Variants in SGMS1 observed in about 807,000 individuals in gnomAD.
SGMS1 encodes the protein sphingomyelin synthase 1.
SGMS1 carries 13 observed loss-of-function variants against 46.2 expected under a neutral mutation model. The observed-to-expected ratio is 0.28, with a 90% CI of 0.18 to 0.45. SGMS1 has a LOEUF of 0.45. Ranked by LOEUF, SGMS1 falls within the 20% of genes least tolerant of loss-of-function variation. SGMS1 has a pLI of 1.00. For missense variants in SGMS1, 324 were observed against 519.9 expected, an observed-to-expected ratio of 0.62 and a Z score of 3.66; for synonymous variants, 203 against 187.8, an observed-to-expected ratio of 1.08 and a Z score of -0.66.
At chr10:50,556,958 C>CTG (rs1311855100) in intron 2 of SGMS1, among the ~76,000 whole-genome samples, 1 of 152,166 alleles carries the variant, frequency 6.6e-6, no homozygotes, top group Non-Finnish European at 1.5e-5. Flanking sequence ...TTCCTTGTAG[C>CTG]TGTTCCCATG....
intron 1 of SGMS1, among the ~76,000 whole-genome samples, chr10:50,599,800 T>C (rs1213298724): frequency 2.0e-5 from 3 of 152,008 alleles, no homozygotes; most frequent in African/African-American, 4.8e-5. Context: ...GAGTCAGAGG[T>C]TGCAGTGAGC....
Position 50,312,720 on chromosome 10 carries a change from C to T in SGMS1, c.742-1305G>A, listed in dbSNP as rs187149044. Reference sequence around the variant, plus strand: ...AATTAAAGCCTTTTTCATATATACACGATTTAAAAATATTTACCGCTTATA... The same window carrying T: ...AATTAAAGCCTTTTTCATATATACATGATTTAAAAATATTTACCGCTTATA... On this transcript the variant is annotated intron_variant, in intron 8 of 10. Transcript: ENST00000361781. Among the ~76,000 whole-genome samples the T allele has an allele frequency of 3.7e-3, 560 of 152,184 alleles. 4 individuals carry two copies. The highest frequency in any genetic ancestry group is 0.013 in the African/African-American group (525 of 41,522).
In SGMS1 at chr10:50,571,828, A is replaced by G. The variant is rs558360950; in HGVS notation, c.-589+18325T>C. 2.0e-5 allele frequency among the ~76,000 whole-genome samples: 3 copies of G among 152,318 alleles called. No homozygotes were observed. In the East Asian group the frequency reaches 5.8e-4, roughly 29 times the overall value. ...TTAATCCTTAAAATCACTCCGAGGCAAATGGCATCCTCATTTTGCAGGTAA... is the reference window on the plus strand; with the variant it reads ...TTAATCCTTAAAATCACTCCGAGGCGAATGGCATCCTCATTTTGCAGGTAA... On this transcript the variant is annotated intron_variant, in intron 2 of 10. Transcript: ENST00000361781.
chr10:50,489,515 C>T (rs1837549990), intron 3 of SGMS1, among the ~76,000 whole-genome samples: 1 of 152,196 alleles, frequency 6.6e-6, no homozygotes, highest in African/African-American at 2.4e-5. Flanking sequence ...ATGTAAGCAT[C>T]CAGTTCTGTC....
At position 50,519,353 on chromosome 10, in the gene SGMS1, C is replaced by T. The variant is rs190969766; in HGVS notation, c.-498+478G>A. Among the ~76,000 whole-genome samples the T allele has an allele frequency of 2.0e-4, 30 of 152,304 alleles. No individual in the cohort carries two copies. In the East Asian group the frequency reaches 2.9e-3, roughly 15 times the overall value. On this transcript the variant is annotated intron_variant, in intron 3 of 10. Coordinates refer to ENST00000361781, the MANE Select transcript of SGMS1 (RefSeq NM_147156.4). ...GCACTCTGAGCAGCACTGGACTTAC[C>T]TGTTCAACTCCAGAGAAGAAGGCAG...
intron 6 of SGMS1, among the ~76,000 whole-genome samples, chr10:50,369,559 A>C (rs950446522): frequency 1.3e-5 from 2 of 152,230 alleles, no homozygotes. Context: ...CCAAAAAAAA[A>C]AAGCAAACAA....
intron 2 of SGMS1, among the ~76,000 whole-genome samples, chr10:50,541,012 A>G (rs1838047144): frequency 6.6e-6 from 1 of 152,180 alleles, no homozygotes; most frequent in African/African-American, 2.4e-5. Flanking sequence ...ACAGGGGATG[A>G]CAGCATGGAA....
chr10:50,531,473 C>T (rs570711975), intron 2 of SGMS1, among the ~76,000 whole-genome samples: 7 of 152,096 alleles, frequency 4.6e-5, no homozygotes, highest in Non-Finnish European at 7.4e-5. Context: ...GTGTTTGGTA[C>T]ATAATCACCC....
At chr10:50,617,731 G>A (rs771868735) in intron 1 of SGMS1, among the ~76,000 whole-genome samples, 2 of 150,488 alleles carry the variant, frequency 1.3e-5, no homozygotes, top group South Asian at 2.1e-4. Flanking sequence ...ATACCAATTA[G>A]CCAGGCTAAT....
chr10:50,376,598 A>G (rs572475271), intron 6 of SGMS1, among the ~76,000 whole-genome samples: 1 of 152,238 alleles, frequency 6.6e-6, no homozygotes, highest in African/African-American at 2.4e-5. Context: ...CAACCCCACG[A>G]TAGGCCCCAG....
intron 1 of SGMS1, among the ~76,000 whole-genome samples, chr10:50,607,282 C>CT (rs1384554399): frequency 6.6e-6 from 1 of 152,014 alleles, no homozygotes; most frequent in Non-Finnish European, 1.5e-5. Context: ...TGTACCTGGC[C>CT]TAGCATTGTA....
intron 6 of SGMS1, among the ~76,000 whole-genome samples, chr10:50,388,817 T>A (rs1289693193): frequency 6.6e-6 from 1 of 152,146 alleles, no homozygotes; most frequent in Non-Finnish European, 1.5e-5. Context: ...ATTATTAAGA[T>A]GAAAAGGCAT....
intron 3 of SGMS1, among the ~76,000 whole-genome samples, chr10:50,511,132 T>C (rs1564421190): frequency 6.6e-6 from 1 of 152,194 alleles, no homozygotes; most frequent in Non-Finnish European, 1.5e-5. Context: ...GTTCACTCTT[T>C]GTTTATTATA....
At chr10:50,597,090 G>A (rs1173433023) in intron 1 of SGMS1, among the ~76,000 whole-genome samples, 2 of 152,194 alleles carry the variant, frequency 1.3e-5, no homozygotes, top group Non-Finnish European at 2.9e-5. Context: ...GGCATATGCT[G>A]CGGTAGGTGA....
intron 2 of SGMS1, among the ~76,000 whole-genome samples, chr10:50,588,381 C>T (rs1391576087): frequency 2.0e-5 from 3 of 152,040 alleles, no homozygotes; most frequent in Non-Finnish European, 2.9e-5. Flanking sequence ...AGGAAGATAC[C>T]GTAAATAAAT....
chr10:50,472,640 A>G (rs1279932112), intron 3 of SGMS1, among the ~76,000 whole-genome samples: 3 of 152,172 alleles, frequency 2.0e-5, no homozygotes, highest in African/African-American at 7.2e-5. Context: ...TAAACATGGG[A>G]GTGCACATAT....
intron 1 of SGMS1, among the ~76,000 whole-genome samples, chr10:50,596,324 T>G (rs1323273651): frequency 2.0e-5 from 3 of 152,100 alleles, no homozygotes; most frequent in Non-Finnish European, 2.9e-5. Context: ...TTACAGGCAT[T>G]CACCACAACA....
intron 6 of SGMS1, among the ~76,000 whole-genome samples, chr10:50,395,314 G>A (rs952856087): frequency 6.4e-4 from 97 of 152,310 alleles, no homozygotes; most frequent in African/African-American, 1.9e-3. Context: ...AGGAGCAGGT[G>A]TAGCATTTGA....
At position 50,455,042 on chromosome 10, in the gene SGMS1, A is replaced by G. The variant is rs1412967139; in HGVS notation, c.-313+5631T>C. ...CAACCCCTTTTGGACTGTAAGTTCCATGAGAGAAATGATCTTGTTTGTTTG... is the reference window on the plus strand; with the variant it reads ...CAACCCCTTTTGGACTGTAAGTTCCGTGAGAGAAATGATCTTGTTTGTTTG... On this transcript the variant is annotated intron_variant, in intron 5 of 10. Coordinates refer to ENST00000361781, the MANE Select transcript of SGMS1 (RefSeq NM_147156.4). Among the ~76,000 whole-genome samples, 6 of 152,194 alleles carry G rather than the reference A, an allele frequency of 3.9e-5. No individual in the cohort carries two copies. In the East Asian group the frequency reaches 9.6e-4, roughly 24 times the overall value.
Sources: allele counts gnomAD v4.1 joint callset (sites outside exome capture counted in the v4.1 genomes callset), GRCh38; gene constraint gnomAD v4.1.1; transcripts MANE v1.5; gene names NCBI Gene and HGNC (gene_info 2026-07-23, HGNC 2026-07-21).